Variants in INSYN2B observed in about 807,000 individuals in gnomAD.
The protein encoded by INSYN2B is protein INSYN2B.
A neutral mutation model predicts 41.2 loss-of-function variants in INSYN2B; 16 were observed. That is an observed-to-expected ratio of 0.39 (90% CI 0.26 to 0.59). The LOEUF (loss-of-function observed/expected upper bound fraction) is 0.59, where lower values mean the gene tolerates loss of function less well. INSYN2B is among the 20% of genes least tolerant of loss of function. The pLI is 0.57. For synonymous variants in INSYN2B, 245 were observed against 244.4 expected, an observed-to-expected ratio of 1.00 and a Z score of -0.02; for missense variants, 608 against 646.4, an observed-to-expected ratio of 0.94 and a Z score of 0.64.
chr5:169,930,441 TG>T (rs1775696473), intron 1 of INSYN2B, among the ~76,000 whole-genome samples: 1 of 152,230 alleles, frequency 6.6e-6, no homozygotes, highest in Admixed American at 6.5e-5. Context: ...TCCTCTGGGA[TG>T]ACATTTCTTG....
intron 3 of INSYN2B, among the ~76,000 whole-genome samples, chr5:169,878,951 C>G (rs540597367): frequency 2.0e-5 from 3 of 152,088 alleles, no homozygotes; most frequent in Non-Finnish European, 4.4e-5. Context: ...GGTCTGTGCT[C>G]TTGGTGAGAT....
In INSYN2B at chr5:169,935,587, C is replaced by T. The variant is rs144768017; in HGVS notation, c.-919+44690G>A. On this transcript the variant is annotated intron_variant, in intron 1 of 3. Coordinates refer to ENST00000377365, the MANE Select transcript of INSYN2B (RefSeq NM_001129891.3). Reference sequence around the variant, plus strand: ...CACCAAGACATGCTGGTGGAGAAGTCGGAGTTTTATCACGTCCTACCTACT... The same window carrying T: ...CACCAAGACATGCTGGTGGAGAAGTTGGAGTTTTATCACGTCCTACCTACT... Among the ~76,000 whole-genome samples the T allele has an allele frequency of 4.5e-3, 687 of 152,248 alleles. 3 individuals carry two copies. Among genetic ancestry groups the T allele is most frequent in the Non-Finnish European group, 8.3e-3 (567 of 68,002 alleles).
intron 2 of INSYN2B, 125 bp from the exon 3 acceptor site, chr5:169,881,567 A>G (rs1340340376): frequency 1.3e-5 from 9 of 698,892 alleles, no homozygotes; most frequent in African/African-American, 8.8e-5. Context: ...TTGCACGGCC[A>G]TTACAAATAA....
chr5:169,959,077 GATGAGTAGAAATC>G (rs1267102107), intron 1 of INSYN2B, among the ~76,000 whole-genome samples: 23 of 152,262 alleles, frequency 1.5e-4, no homozygotes, highest in Middle Eastern at 3.4e-3. Context: ...AGAATATTCT[GATGAGTAGAAATC>G]ATGTATAAAA....
chr5:169,953,005 A>G (rs1043979863), intron 1 of INSYN2B, among the ~76,000 whole-genome samples: 2 of 152,190 alleles, frequency 1.3e-5, no homozygotes, highest in African/African-American at 2.4e-5. Context: ...AATTGTTTAA[A>G]CAATATGTAT....
intron 1 of INSYN2B, among the ~76,000 whole-genome samples, chr5:169,936,376 T>C (rs112920026): frequency 3.3e-5 from 5 of 152,144 alleles, no homozygotes; most frequent in South Asian, 2.1e-4. Context: ...TCTGAACTTA[T>C]CTGGCCATTT....
chr5:169,947,406 C>T (rs902646278), intron 1 of INSYN2B, among the ~76,000 whole-genome samples: 2 of 152,200 alleles, frequency 1.3e-5, no homozygotes, highest in African/African-American at 4.8e-5. Context: ...CATGCTTTCT[C>T]ATCCATTATT....
intron 1 of INSYN2B, among the ~76,000 whole-genome samples, chr5:169,912,147 C>T (rs574709968): frequency 3.3e-5 from 5 of 152,248 alleles, no homozygotes; most frequent in South Asian, 2.1e-4. Context: ...AAAAGGAAAG[C>T]GACTATTATT....
intron 1 of INSYN2B, among the ~76,000 whole-genome samples, chr5:169,979,869 A>G (rs1384311168): frequency 6.6e-6 from 1 of 152,180 alleles, no homozygotes; most frequent in Non-Finnish European, 1.5e-5. Context: ...TTTTTTCATA[A>G]AACAGCCACT....
intron 1 of INSYN2B, among the ~76,000 whole-genome samples, chr5:169,978,327 A>G (rs1247154473): frequency 5.0e-5 from 6 of 120,400 alleles, no homozygotes; most frequent in Non-Finnish European, 9.6e-5. Flanking sequence ...GCAAACTGGT[A>G]GCCTTTCCCT....
intron 3 of INSYN2B, among the ~76,000 whole-genome samples, chr5:169,864,775 T>C (rs750229997): frequency 2.0e-5 from 3 of 152,184 alleles, no homozygotes; most frequent in Non-Finnish European, 2.9e-5. Context: ...TTGGCATGTG[T>C]TATGCATGAA....
chr5:169,895,641 T>A (rs1214194967), intron 1 of INSYN2B, among the ~76,000 whole-genome samples: 1 of 152,076 alleles, frequency 6.6e-6, no homozygotes, highest in East Asian at 1.9e-4. Context: ...TTACCTATTG[T>A]AACCACAGCC....
chr5:169,874,897 C>T (rs576042185), intron 3 of INSYN2B, among the ~76,000 whole-genome samples: 6 of 152,134 alleles, frequency 3.9e-5, no homozygotes, highest in African/African-American at 1.4e-4. Context: ...AAACAGGAGG[C>T]ATCAGAAGAT....
chr5:169,926,469 T>G (rs1050135886), intron 1 of INSYN2B, among the ~76,000 whole-genome samples: 4 of 152,222 alleles, frequency 2.6e-5, no homozygotes, highest in Non-Finnish European at 4.4e-5. Context: ...GCATTGATCT[T>G]CTGTGAGCTC....
At chr5:169,876,631 A>T (rs1162024013) in intron 3 of INSYN2B, among the ~76,000 whole-genome samples, 1 of 152,262 alleles carries the variant, frequency 6.6e-6, no homozygotes, top group Non-Finnish European at 1.5e-5. Context: ...TGTTGAAAGT[A>T]TGTGGCATTC....
intron 1 of INSYN2B, among the ~76,000 whole-genome samples, chr5:169,944,070 G>A (rs1411723586): frequency 3.9e-5 from 6 of 152,112 alleles, no homozygotes; most frequent in East Asian, 1.9e-4. Flanking sequence ...TGCCAGGACC[G>A]GGGTAAGCAC....
intron 1 of INSYN2B, among the ~76,000 whole-genome samples, chr5:169,904,768 A>G (rs577212916): frequency 1.3e-5 from 2 of 152,280 alleles, no homozygotes; most frequent in East Asian, 3.9e-4. Context: ...CATCAGTGAC[A>G]CTGTATGGAG....
chr5:169,919,969 A>T (rs114680488), intron 1 of INSYN2B, among the ~76,000 whole-genome samples: 2,237 of 152,360 alleles, frequency 0.015, 54 homozygotes, highest in African/African-American at 0.051. Flanking sequence ...TGTGTTAATG[A>T]ACACATACTT....
At chr5:169,938,965 G>A (rs182068087) in intron 1 of INSYN2B, among the ~76,000 whole-genome samples, 385 of 150,302 alleles carry the variant, frequency 2.6e-3, no homozygotes, top group African/African-American at 7.4e-3. Flanking sequence ...GTACAGTGGC[G>A]TGATCTCGGC....
Sources: allele counts gnomAD v4.1 joint callset (sites outside exome capture counted in the v4.1 genomes callset), GRCh38; gene constraint gnomAD v4.1.1; transcripts MANE v1.5; gene names NCBI Gene and HGNC (gene_info 2026-07-23, HGNC 2026-07-21).